FGF18: variants seen among roughly 807,000 people sequenced by gnomAD.
FGF18 encodes the protein fibroblast growth factor 18.
A neutral mutation model predicts 23.0 loss-of-function variants in FGF18; 5 were observed. That is an observed-to-expected ratio of 0.22 (90% CI 0.11 to 0.46). The LOEUF (loss-of-function observed/expected upper bound fraction) is 0.46. FGF18 is among the 20% of genes least tolerant of loss of function. FGF18 has a pLI of 0.99. For synonymous variants in FGF18, 117 were observed against 118.9 expected, an observed-to-expected ratio of 0.98 and a Z score of 0.10; for missense variants, 180 against 291.6, an observed-to-expected ratio of 0.62 and a Z score of 2.79.
rs1359277348 is a variant in FGF18, at chr5:171,451,345, G to A, written c.357+2092G>A. On this transcript the variant is annotated intron_variant, in intron 4 of 4. Coordinates refer to ENST00000274625, the MANE Select transcript of FGF18 (RefSeq NM_003862.3). This position sits in a 1 kb window ranked among gnomAD's most constrained non-coding sequence, Gnocchi z 4.5. ...GACGCCACCAAATCCACCTGTCCAGGCTTGACCTCTGCCCCGCCCAGCGCC... is the reference window on the plus strand; with the variant it reads ...GACGCCACCAAATCCACCTGTCCAGACTTGACCTCTGCCCCGCCCAGCGCC... Among the ~76,000 whole-genome samples, 1 of 152,076 alleles carries A rather than the reference G, an allele frequency of 6.6e-6. No individual in the cohort carries two copies. Among genetic ancestry groups the A allele is most frequent in the African/African-American group, 2.4e-5 (1 of 41,424 alleles).
intron 3 of FGF18, among the ~76,000 whole-genome samples, chr5:171,444,223 G>A (rs552674350): frequency 6.6e-6 from 1 of 152,214 alleles, no homozygotes; most frequent in South Asian, 2.1e-4. Context: ...TGCCTCCTTC[G>A]CTGTTCACTC....
intron 2 of FGF18, among the ~76,000 whole-genome samples, chr5:171,423,829 C>T (rs1772056244): frequency 1.5e-5 from 2 of 134,206 alleles, no homozygotes; most frequent in South Asian, 2.3e-4. Context: ...AGTGCAGTGG[C>T]GTGATCTTGG....
At chr5:171,441,754 A>G (rs1021236872) in intron 3 of FGF18, among the ~76,000 whole-genome samples, 1 of 152,224 alleles carries the variant, frequency 6.6e-6, no homozygotes. Context: ...AGACGCTCTC[A>G]GTATATGCTT....
rs550238916 is a variant in FGF18, at chr5:171,427,157, A to G, written c.69+6714A>G. On this transcript the variant is annotated intron_variant, in intron 2 of 4. Coordinates refer to ENST00000274625, the MANE Select transcript of FGF18 (RefSeq NM_003862.3). Reference sequence around the variant, plus strand: ...GGGAGACGGAGGTTGCGGTGAGCCAAGATCACGCCACTGCACTCCAGCCTG... The same window carrying G: ...GGGAGACGGAGGTTGCGGTGAGCCAGGATCACGCCACTGCACTCCAGCCTG... 5.3e-5 allele frequency among the ~76,000 whole-genome samples: 8 copies of G among 152,002 alleles called. No homozygotes were observed. In the South Asian group the frequency reaches 1.5e-3, roughly 28 times the overall value.
At chr5:171,449,400 T>TGTGTGTGA (rs1458322429) in intron 4 of FGF18, 147 bp downstream of exon 4, 3,896 of 360,354 alleles carry the variant, frequency 0.011, 35 homozygotes, top group Non-Finnish European at 0.014. Context: ...TGTGTGTGTG[T>TGTGTGTGA]GAGAGAGAGA....
intron 3 of FGF18, among the ~76,000 whole-genome samples, chr5:171,438,103 T>C (rs1480606431): frequency 1.3e-5 from 2 of 149,402 alleles, no homozygotes. Flanking sequence ...TCTTTTCTTT[T>C]TTTTTTTTTT....
At position 171,436,287 on chromosome 5, in the gene FGF18, C is replaced by G. The variant is rs776582818; in HGVS notation, c.250+14C>G. 19 of 1,536,060 alleles carry G rather than the reference C, an allele frequency of 1.2e-5. No individual in the cohort carries two copies. The Admixed American group carries it at 2.5e-4, about 20-fold the overall frequency. On this transcript the variant is annotated intron_variant, in intron 3 of 4. Transcript: ENST00000274625. The surrounding 1 kb of genome is among the most constrained non-coding windows in gnomAD (Gnocchi z 4.4). ...GGGACAAGTATGGTATGTGCCAACCCTCTCCTCCTACTCCGTGTACCCGTG... is the reference window on the plus strand; with the variant it reads ...GGGACAAGTATGGTATGTGCCAACCGTCTCCTCCTACTCCGTGTACCCGTG...
intron 4 of FGF18, among the ~76,000 whole-genome samples, chr5:171,453,549 G>A (rs540956004): frequency 2.4e-4 from 37 of 152,300 alleles, no homozygotes; most frequent in African/African-American, 7.9e-4. Context: ...CAGAGGAGAA[G>A]TGAGCTGCAG....
chr5:171,420,495 G>A (rs769443650), intron 2 of FGF18, 52 bp downstream of exon 2: 3 of 1,560,710 alleles, frequency 1.9e-6, no homozygotes, highest in South Asian at 2.2e-5. Flanking sequence ...CGCGGTACAC[G>A]CCGACCCCCC....
intron 4 of FGF18, among the ~76,000 whole-genome samples, chr5:171,453,134 G>T (rs1772539287): frequency 6.6e-6 from 1 of 152,182 alleles, no homozygotes; most frequent in South Asian, 2.1e-4. Context: ...AGAGTTTCCG[G>T]GGGTCGGGCC....
rs556205207 is a variant in FGF18, at chr5:171,434,973, A to G, written c.70-1120A>G. ...AGGAAGGCCTGCTTGAGGAGGTGAC[A>G]TTTGAGCAGAGACCCGAGTGAGCTC... On this transcript the variant is annotated intron_variant, in intron 2 of 4. Coordinates refer to ENST00000274625, the MANE Select transcript of FGF18 (RefSeq NM_003862.3). This position sits in a 1 kb window ranked among gnomAD's most constrained non-coding sequence, Gnocchi z 4.6. 3.0e-4 allele frequency among the ~76,000 whole-genome samples: 46 copies of G among 152,182 alleles called. No individual in the cohort carries two copies. The highest frequency in any genetic ancestry group is 5.0e-4 in the Non-Finnish European group (34 of 68,028).
At position 171,451,911 on chromosome 5, in the gene FGF18, G is replaced by A. The variant is rs1317591685; in HGVS notation, c.357+2658G>A. On this transcript the variant is annotated intron_variant, in intron 4 of 4. Transcript: ENST00000274625. This position sits in a 1 kb window ranked among gnomAD's most constrained non-coding sequence, Gnocchi z 4.5. ...CCACCCCGGAGCCCCACAGTCCCTC[G>A]CACAGCCCTCTGTTGCCTGTCTGCT... is the stretch of plus-strand genomic sequence containing the variant. Among the ~76,000 whole-genome samples, 3 of 151,888 alleles carry A rather than the reference G, an allele frequency of 2.0e-5. No homozygotes were observed. Among genetic ancestry groups the A allele is most frequent in the African/African-American group, 7.3e-5 (3 of 41,360 alleles).
intron 3 of FGF18, among the ~76,000 whole-genome samples, chr5:171,443,530 T>TTTTTTTTTTTTTG: frequency 8.9e-6 from 1 of 112,638 alleles, no homozygotes; most frequent in Admixed American, 8.8e-5. Context: ...TTTTTTTTTT[T>TTTTTTTTTTTTTG]TTAGCAGAGA....
intron 3 of FGF18, among the ~76,000 whole-genome samples, chr5:171,442,341 T>TC (rs1772359485): frequency 6.6e-6 from 1 of 152,016 alleles, no homozygotes; most frequent in African/African-American, 2.4e-5. Context: ...CACCTCTCTC[T>TC]CCCCCTCTCA....
rs989308315 is a variant in FGF18, at chr5:171,427,494, A to G, written c.69+7051A>G. On this transcript the variant is annotated intron_variant, in intron 2 of 4. Transcript: ENST00000274625. ...GTCTGGATTTAATTGCCACTCTACC[A>G]CTCAAGACTGTGTGGCCTTGGGCGA... 1.3e-5 allele frequency among the ~76,000 whole-genome samples: 2 copies of G among 152,208 alleles called. 1 individual carries two copies. Among genetic ancestry groups the G allele is most frequent in the South Asian group, 4.1e-4 (2 of 4,826 alleles).
intron 4 of FGF18, among the ~76,000 whole-genome samples, chr5:171,454,300 G>GTGTA (rs1344833195): frequency 6.6e-6 from 1 of 152,168 alleles, no homozygotes; most frequent in Non-Finnish European, 1.5e-5. Flanking sequence ...GAGCATCATG[G>GTGTA]TGTAGCCTTT....
chr5:171,430,823 A>C (rs1348137405), intron 2 of FGF18, among the ~76,000 whole-genome samples: 2 of 149,232 alleles, frequency 1.3e-5, no homozygotes, highest in Non-Finnish European at 3.0e-5. Context: ...AAAAGAAAAA[A>C]GAGTAATGAT....
At chr5:171,423,108 C>T (rs974427405) in intron 2 of FGF18, among the ~76,000 whole-genome samples, 4 of 152,128 alleles carry the variant, frequency 2.6e-5, no homozygotes, top group Admixed American at 6.5e-5. Flanking sequence ...CCATCGCTAC[C>T]GGGCTCAGAA....
At chr5:171,438,443 T>C (rs1772286687) in intron 3 of FGF18, among the ~76,000 whole-genome samples, 1 of 151,470 alleles carries the variant, frequency 6.6e-6, no homozygotes, top group African/African-American at 2.4e-5. Flanking sequence ...CACGGAGGGA[T>C]CCTGTCCAAA....
Sources: gnomAD v4.1 joint callset for allele counts (sites outside exome capture counted in the v4.1 genomes callset) on GRCh38, gnomAD v4.1.1 for gene constraint, Gnocchi (gnomAD v3.1) non-coding constraint, MANE v1.5 for transcripts, NCBI Gene and HGNC (gene_info 2026-07-23, HGNC 2026-07-21) for gene names.